The following UBTD1 variants were observed in gnomAD, a reference collection of about 807,000 sequenced individuals.
UBTD1 encodes ubiquitin domain containing 1, also known as ubiquitin domain-containing protein 1.
Under a neutral mutation model 21.7 loss-of-function variants are expected in UBTD1, and 19 were observed. That is an observed-to-expected ratio of 0.87 (90% confidence interval 0.61 to 1.28). The LOEUF is 1.28. UBTD1 is among the 50% of genes most tolerant of loss of function. UBTD1 has a pLI of 0.00. For synonymous variants in UBTD1, 116 were observed against 135.1 expected (o/e 0.86, Z 0.98); for missense variants, 282 against 315.1 (o/e 0.89, Z 0.80).
rs191812430 is a variant in UBTD1 at position 97,513,339 on chromosome 10, C to G, written c.70+14066C>G. Reference sequence around the variant, plus strand: ...CACTTCAAACAAGACAGCATGTAGACAAGTGCTAAGTCATACAGTGTAGAC... The same window carrying G: ...CACTTCAAACAAGACAGCATGTAGAGAAGTGCTAAGTCATACAGTGTAGAC... On this transcript the variant is annotated intron_variant, in intron 1 of 2. Coordinates refer to ENST00000370664, the MANE Select transcript of UBTD1 (RefSeq NM_024954.5). 2.6e-4 allele frequency among the ~76,000 whole-genome samples: 39 copies of G among 152,316 alleles called. No homozygotes were observed. The South Asian group carries it at 6.9e-3, about 27-fold the overall frequency.
At chr10:97,549,663 C>T (rs1287192299) in intron 1 of UBTD1, among the ~76,000 whole-genome samples, 1 of 152,174 alleles carries the variant, frequency 6.6e-6, no homozygotes, top group Non-Finnish European at 1.5e-5. Context: ...TAGAGATGCC[C>T]GGTAAGAAGC....
At chr10:97,557,282 C>A (rs1221478185) in intron 1 of UBTD1, among the ~76,000 whole-genome samples, 1 of 152,044 alleles carries the variant, frequency 6.6e-6, no homozygotes, top group East Asian at 1.9e-4. Context: ...CGTTTTTGAA[C>A]CTCTCTTTTT....
At chr10:97,553,420 C>T (rs1229088432) in intron 1 of UBTD1, among the ~76,000 whole-genome samples, 4 of 152,204 alleles carry the variant, frequency 2.6e-5, no homozygotes, top group East Asian at 1.9e-4. Context: ...CGTGAGCCAC[C>T]GCGGCCAGCC....
At chr10:97,520,410 T>C (rs2040461959) in intron 1 of UBTD1, among the ~76,000 whole-genome samples, 1 of 152,188 alleles carries the variant, frequency 6.6e-6, no homozygotes, top group Admixed American at 6.5e-5. Context: ...AGTGCCGTGC[T>C]TGATCCTGGG....
intron 1 of UBTD1, among the ~76,000 whole-genome samples, chr10:97,545,405 T>TGTGG (rs1589878982): frequency 4.6e-5 from 4 of 87,022 alleles, no homozygotes; most frequent in Admixed American, 1.6e-4. Flanking sequence ...TGTGTGTGTG[T>TGTGG]GTGTGGGTGT....
chr10:97,506,966 C>T (rs2040402041), intron 1 of UBTD1, among the ~76,000 whole-genome samples: 1 of 152,252 alleles, frequency 6.6e-6, no homozygotes, highest in Non-Finnish European at 1.5e-5. Context: ...CTGCTGTGAA[C>T]ATGGGTGTGC....
At chr10:97,529,546 G>A (rs1181170794) in intron 1 of UBTD1, among the ~76,000 whole-genome samples, 23 of 152,200 alleles carry the variant, frequency 1.5e-4, no homozygotes, top group African/African-American at 2.2e-4. Context: ...CGGATCACTC[G>A]CGGTTAGGAG....
At chr10:97,529,571 G>C (rs1564738695) in intron 1 of UBTD1, among the ~76,000 whole-genome samples, 1 of 148,866 alleles carries the variant, frequency 6.7e-6, no homozygotes, top group South Asian at 2.2e-4. Flanking sequence ...AGACCAGCCC[G>C]GCCATCACAG....
intron 1 of UBTD1, among the ~76,000 whole-genome samples, chr10:97,511,175 G>A (rs971682757): frequency 7.2e-5 from 11 of 152,126 alleles, no homozygotes; most frequent in Non-Finnish European, 1.2e-4. Flanking sequence ...ATTGCTGTTC[G>A]ATTTCTTGTA....
rs951419643 is a variant in UBTD1 at position 97,570,625 on chromosome 10, G to A, written c.*102G>A. The A allele has an allele frequency of 2.1e-6, 3 of 1,400,252 alleles. No homozygotes were observed. Among genetic ancestry groups the A allele is most frequent in the African/African-American group, 1.4e-5 (1 of 69,794 alleles). 86.7% of individuals were successfully genotyped at this position (1,400,252 alleles called of 1,614,324 possible). A position where few individuals can be genotyped will look rare whatever the true frequency, so the allele number is the denominator to read the frequency against. ...CATTTTCTTCAGGGGCCCTCCCCTC[G>A]GTGTGGCTGGTGGGTGAGCCGTGAA... On this transcript the variant is annotated 3_prime_UTR_variant, in exon 3 of 3. Coordinates refer to ENST00000370664, the MANE Select transcript of UBTD1 (RefSeq NM_024954.5). The surrounding 1 kb of genome is among the most constrained non-coding windows in gnomAD (Gnocchi z 6.6).
Position 97,536,375 on chromosome 10 carries a change from C to T in UBTD1, c.71-31539C>T, listed in dbSNP as rs573464038. The stretch of plus-strand genomic sequence containing the variant: ...ACAGTTGGGAGTTGTCCTTTAGTCC[C>T]CCAGTGGTGGCACGGCTGGTCAGAA... On this transcript the variant is annotated intron_variant, in intron 1 of 2. Transcript: ENST00000370664. Among the ~76,000 whole-genome samples, 17 of 152,240 alleles carry T rather than the reference C, an allele frequency of 1.1e-4. No individual in the cohort carries two copies. In the South Asian group the frequency reaches 2.9e-3, roughly 26 times the overall value.
intron 1 of UBTD1, among the ~76,000 whole-genome samples, chr10:97,502,818 CAT>C (rs10678727): frequency 4.8e-4 from 73 of 150,562 alleles, no homozygotes; most frequent in Non-Finnish European, 7.5e-4. Flanking sequence ...GATTGTCACT[CAT>C]ATGTGTGTGT....
intron 1 of UBTD1, among the ~76,000 whole-genome samples, chr10:97,560,780 G>T (rs12775868): frequency 0.57 from 86,067 of 151,480 alleles, 27,060 homozygotes; most frequent in Non-Finnish European, 0.72. Context: ...GCTTATTTGT[G>T]CCTGGCCCAT....
At position 97,509,926 on chromosome 10, in the gene UBTD1, C is replaced by T. The variant is rs529001882; in HGVS notation, c.70+10653C>T. Among the ~76,000 whole-genome samples the T allele has an allele frequency of 9.9e-5, 15 of 151,486 alleles. No homozygotes were observed. In the East Asian group the frequency reaches 2.9e-3, roughly 29 times the overall value. On this transcript the variant is annotated intron_variant, in intron 1 of 2. Coordinates refer to ENST00000370664, the MANE Select transcript of UBTD1 (RefSeq NM_024954.5). ...TCAGCCTCCCAAAGTGTTGGGATTACAGGCATGAGCCACCATGCCTGTGCC... is the reference window on the plus strand; with the variant it reads ...TCAGCCTCCCAAAGTGTTGGGATTATAGGCATGAGCCACCATGCCTGTGCC...
At chr10:97,548,140 C>T (rs1034613974) in intron 1 of UBTD1, among the ~76,000 whole-genome samples, 13 of 152,308 alleles carry the variant, frequency 8.5e-5, no homozygotes, top group African/African-American at 3.1e-4. Context: ...AAAGAAAACC[C>T]CCACTGTCCA....
At chr10:97,511,455 G>A in intron 1 of UBTD1, among the ~76,000 whole-genome samples, 1 of 152,138 alleles carries the variant, frequency 6.6e-6, no homozygotes, top group East Asian at 1.9e-4. Flanking sequence ...GGTATCTCTG[G>A]TTTACTGATG....
chr10:97,528,233 T>G (rs1589872922), intron 1 of UBTD1, among the ~76,000 whole-genome samples: 1 of 101,006 alleles, frequency 9.9e-6, no homozygotes, highest in Non-Finnish European at 2.1e-5. Context: ...GGCTCCTCAC[T>G]TCCCAGTAGG....
intron 1 of UBTD1, among the ~76,000 whole-genome samples, chr10:97,509,712 A>G (rs1197792654): frequency 6.6e-6 from 1 of 152,058 alleles, no homozygotes; most frequent in Non-Finnish European, 1.5e-5. Flanking sequence ...GTGCAATGGC[A>G]TGATCTCGGC....
intron 1 of UBTD1, among the ~76,000 whole-genome samples, chr10:97,512,773 T>C (rs1021670833): frequency 6.6e-6 from 1 of 152,238 alleles, no homozygotes; most frequent in Non-Finnish European, 1.5e-5. Context: ...TGGACAGAAG[T>C]GTTCAGCCTG....
Sources: allele counts gnomAD v4.1 joint callset (sites outside exome capture counted in the v4.1 genomes callset), GRCh38; gene constraint gnomAD v4.1.1; non-coding constraint Gnocchi (gnomAD v3.1); transcripts MANE v1.5; gene names NCBI Gene and HGNC (gene_info 2026-07-23, HGNC 2026-07-21).